ANKRD11: variants seen among roughly 807,000 people sequenced by gnomAD.
The protein encoded by ANKRD11 is ankyrin repeat domain 11.
ANKRD11 carries 17 observed loss-of-function variants against 195.7 expected under a neutral mutation model. The observed-to-expected ratio is 0.09, with a 90% CI of 0.06 to 0.13. The LOEUF (loss-of-function observed/expected upper bound fraction) is 0.13, where lower values mean the gene tolerates loss of function less well. Among genes scored for constraint, ANKRD11 ranks in the 10% least tolerant of loss-of-function variants. The pLI, the probability that ANKRD11 is intolerant of heterozygous loss-of-function variation, is 1.00. For missense variants in ANKRD11, 3,735 were observed against 3,566.1 expected (o/e 1.05, Z -1.21); for synonymous variants, 1,953 against 1,528.1 (o/e 1.28, Z -6.49).
intron 2 of ANKRD11, among the ~76,000 whole-genome samples, chr16:89,345,904 C>T (rs931153104): frequency 1.3e-5 from 2 of 152,098 alleles, no homozygotes; most frequent in South Asian, 2.1e-4. Context: ...AGAGCTAAGA[C>T]GGTCCGACAT....
At chr16:89,408,101 C>T (rs1371059512) in intron 2 of ANKRD11, among the ~76,000 whole-genome samples, 2 of 152,156 alleles carry the variant, frequency 1.3e-5, no homozygotes, top group African/African-American at 2.4e-5. Flanking sequence ...TGTGTGACCA[C>T]TGGCCAGGCA....
intron 4 of ANKRD11, chr16:89,300,793 C>T (rs1453465617): frequency 1.5e-5 from 10 of 689,332 alleles, no homozygotes; most frequent in Non-Finnish European, 2.4e-5. Context: ...ACACCCCAGG[C>T]ACCAGAGACC....
intron 2 of ANKRD11, among the ~76,000 whole-genome samples, chr16:89,384,538 CTGGGA>C (rs71134213): frequency 1.2e-4 from 18 of 148,334 alleles, no homozygotes; most frequent in Admixed American, 6.7e-4. Flanking sequence ...TGGGATGGGA[CTGGGA>C]TGGGATGGGA....
At chr16:89,367,616 G>A (rs2040005656) in intron 2 of ANKRD11, among the ~76,000 whole-genome samples, 2 of 152,136 alleles carry the variant, frequency 1.3e-5, no homozygotes, top group South Asian at 4.1e-4. Flanking sequence ...TTGCTTGGGG[G>A]CCTCTATAAA....
intron 1 of ANKRD11, among the ~76,000 whole-genome samples, chr16:89,476,401 C>G (rs1214787190): frequency 6.6e-6 from 1 of 152,172 alleles, no homozygotes; most frequent in African/African-American, 2.4e-5. Context: ...TTGGGTTATT[C>G]GTAGAATAGC....
chr16:89,324,266 T>C lies in ANKRD11; in HGVS notation c.-59-7188A>G, dbSNP rs560320417. 44 of 1,238,632 alleles carry C rather than the reference T, an allele frequency of 3.6e-5. No homozygotes were observed. In the South Asian group the frequency reaches 4.5e-4, roughly 13 times the overall value. The allele number at this position is 1,238,632 out of a possible 1,614,324, so 76.7% of individuals were successfully genotyped here. On this transcript the variant is annotated intron_variant, in intron 2 of 12. Transcript: ENST00000301030. The stretch of plus-strand genomic sequence containing the variant: ...TGCTTGGTCACTGGGCTGTGGAACA[T>C]ACAGGAGCCCCGTGCTCCGGAACAC...
At chr16:89,398,192 A>G (rs867054925) in intron 2 of ANKRD11, among the ~76,000 whole-genome samples, 49 of 144,766 alleles carry the variant, frequency 3.4e-4, no homozygotes, top group African/African-American at 1.1e-3. Flanking sequence ...CATGAGGGAC[A>G]CTGTGAAACA....
intron 1 of ANKRD11, among the ~76,000 whole-genome samples, chr16:89,481,426 G>T (rs947581378): frequency 6.6e-6 from 1 of 152,176 alleles, no homozygotes; most frequent in South Asian, 2.1e-4. Flanking sequence ...AAAAATTAGC[G>T]CACGTCTGTA....
At chr16:89,432,998 T>TCTCACA (rs1555577390) in intron 1 of ANKRD11, among the ~76,000 whole-genome samples, 75 of 140,182 alleles carry the variant, frequency 5.4e-4, no homozygotes, top group African/African-American at 1.9e-3. Context: ...CTCCTCTCTC[T>TCTCACA]CACACACACA....
At chr16:89,320,571 G>A (rs952667706) in intron 2 of ANKRD11, among the ~76,000 whole-genome samples, 1 of 152,182 alleles carries the variant, frequency 6.6e-6, no homozygotes, top group African/African-American at 2.4e-5. Context: ...CTGGCGGATG[G>A]CAACCGTCCC....
chr16:89,390,111 G>A (rs12920824), intron 2 of ANKRD11, among the ~76,000 whole-genome samples: 3 of 54,652 alleles, frequency 5.5e-5, no homozygotes, highest in Admixed American at 1.6e-4. Flanking sequence ...TCACTGGGGC[G>A]AACACCGAGT....
At chr16:89,379,169 C>T (rs1452994190) in intron 2 of ANKRD11, among the ~76,000 whole-genome samples, 6 of 152,222 alleles carry the variant, frequency 3.9e-5, no homozygotes, top group Admixed American at 3.9e-4. Context: ...CCCCGGCACA[C>T]GGCCATTCTG....
rs367830110 is a variant in ANKRD11, at chr16:89,282,893, A to G, written c.3649T>C (p.Tyr1217His). 9 of 1,611,190 alleles carry G rather than the reference A, an allele frequency of 5.6e-6. No individual in the cohort carries two copies. The highest frequency in any genetic ancestry group is 6.8e-6 in the Non-Finnish European group (8 of 1,179,534). ...GAGGCTCTGTCCTTCCTGTCCTTGT[A>G]CTTTTCTGTGGACTCTTTATCCTTC... ...EKKDKESTEK[Y>H]KDRKDRASVD... The change falls in exon 9 of 13, where the codon TAC becomes CAC. Residue 1217 changes from tyrosine (Y) to histidine (H), a missense_variant. Physicochemically the swap from Tyr to His is moderately conservative, Grantham distance 83. Coordinates refer to ENST00000301030, the MANE Select transcript of ANKRD11 (RefSeq NM_013275.6).
At chr16:89,349,903 C>CAT (rs1177350623) in intron 2 of ANKRD11, among the ~76,000 whole-genome samples, 17 of 134,374 alleles carry the variant, frequency 1.3e-4, no homozygotes, top group Admixed American at 1.3e-3. Context: ...CACACACACA[C>CAT]ACACACACAT....
chr16:89,376,054 G>A (rs896097444), intron 2 of ANKRD11, among the ~76,000 whole-genome samples: 4 of 152,206 alleles, frequency 2.6e-5, no homozygotes, highest in Non-Finnish European at 4.4e-5. Flanking sequence ...AGCCATCACC[G>A]CAGCTACAGC....
chr16:89,294,349 C>T (rs1320546003), intron 4 of ANKRD11, among the ~76,000 whole-genome samples: 1 of 152,160 alleles, frequency 6.6e-6, no homozygotes. Context: ...ACTTTTCACC[C>T]AGCTCTCCCT....
At chr16:89,323,337 TG>T (rs1330800271) in intron 2 of ANKRD11, 1 of 1,288,148 alleles carries the variant, frequency 7.8e-7, no homozygotes, top group Non-Finnish European at 1.0e-6. Context: ...ATCCCAGGTA[TG>T]GAAGAGAAGC....
chr16:89,316,210 A>G (rs1444333497), intron 3 of ANKRD11, among the ~76,000 whole-genome samples: 1 of 152,180 alleles, frequency 6.6e-6, no homozygotes, highest in Non-Finnish European at 1.5e-5. Context: ...CAGAGACAGG[A>G]AGCTGACTCA....
chr16:89,278,206 G>T (rs1597425706), intron 9 of ANKRD11: 2 of 319,370 alleles, frequency 6.3e-6, no homozygotes, highest in Admixed American at 4.5e-5. Flanking sequence ...AGAACAGGAG[G>T]GCAGGGGAGG....
Sources: allele counts gnomAD v4.1 joint callset (sites outside exome capture counted in the v4.1 genomes callset), GRCh38; gene constraint gnomAD v4.1.1; transcripts MANE v1.5; gene names NCBI Gene and HGNC (gene_info 2026-07-23, HGNC 2026-07-21).